The following DGLUCY variants were observed in gnomAD, a reference collection of about 807,000 sequenced individuals.
DGLUCY encodes the protein D-glutamate cyclase, mitochondrial.
In DGLUCY, 58 loss-of-function variants were observed where a neutral mutation model predicts 58.5. The observed-to-expected ratio is 0.99, with a 90% CI of 0.80 to 1.23. The LOEUF (loss-of-function observed/expected upper bound fraction) is 1.23. Ranked by LOEUF, DGLUCY falls within the 50% of genes most tolerant of loss-of-function variation. DGLUCY has a pLI of 0.00. For synonymous variants in DGLUCY, 325 were observed against 314.1 expected (o/e 1.03, Z -0.37); for missense variants, 779 against 784.7 (o/e 0.99, Z 0.09).
rs192320094 is a variant in DGLUCY, at chr14:91,079,919, A to T, written c.-82+19215A>T. ...TCACCATCACCCTATCTACACCCAA[A>T]ACATTCTGTCATCCTCCGGACCCAT... On this transcript the variant is annotated intron_variant, in intron 1 of 4. Transcript: ENST00000521334. Among the ~76,000 whole-genome samples, 485 of 152,300 alleles carry T rather than the reference A, an allele frequency of 3.2e-3. 2 individuals are homozygous for T. Among genetic ancestry groups the T allele is most frequent in the African/African-American group, 0.011 (472 of 41,560 alleles).
At chr14:91,069,608 C>T (rs2043881756) in intron 1 of DGLUCY, among the ~76,000 whole-genome samples, 1 of 151,780 alleles carries the variant, frequency 6.6e-6, no homozygotes, top group East Asian at 1.9e-4. Flanking sequence ...TATTTACTTT[C>T]TATTTATGGC....
intron 11 of DGLUCY, among the ~76,000 whole-genome samples, chr14:91,200,271 G>GA: frequency 1.3e-5 from 2 of 152,204 alleles, no homozygotes; most frequent in Non-Finnish European, 2.9e-5. Flanking sequence ...TGTTTTTATT[G>GA]ACTATTGAAC....
chr14:91,087,010 G>A (rs765967476), intron 1 of DGLUCY, among the ~76,000 whole-genome samples: 8 of 152,166 alleles, frequency 5.3e-5, no homozygotes, highest in Admixed American at 1.3e-4. Context: ...AGGACTGACC[G>A]CAGGGTCCAA....
chr14:91,111,524 AC>A (rs1324427135), upstream of DGLUCY, among the ~76,000 whole-genome samples: 1 of 152,014 alleles, frequency 6.6e-6, no homozygotes, highest in East Asian at 1.9e-4. Flanking sequence ...CTTGTGATCC[AC>A]CCACCTTGGC....
rs554862845 is a variant in DGLUCY, at chr14:91,085,891, G to A, written c.-82+25187G>A. On this transcript the variant is annotated intron_variant, in intron 1 of 4. Transcript: ENST00000521334. ...GCCCTGCTCAAGTCCCTTATAACAG[G>A]GGTTCCCAACCCCCAGGCCATGTAC... 2.3e-4 allele frequency among the ~76,000 whole-genome samples: 35 copies of A among 152,132 alleles called. No homozygotes were observed. In the South Asian group the frequency reaches 5.2e-3, roughly 23 times the overall value.
chr14:91,085,860 T>TGTATAAGG, intron 1 of DGLUCY, among the ~76,000 whole-genome samples: 1 of 152,300 alleles, frequency 6.6e-6, no homozygotes, highest in Admixed American at 6.5e-5. Context: ...TGAGCCACCA[T>TGTATAAGG]GCCTGGCCCT....
intron 1 of DGLUCY, among the ~76,000 whole-genome samples, chr14:91,134,279 G>A (rs190996724): frequency 5.3e-5 from 8 of 152,186 alleles, no homozygotes; most frequent in Admixed American, 3.3e-4. Context: ...TCTTTCTGTC[G>A]TGAACATGCT....
intron 13 of DGLUCY, chr14:91,216,018 A>G: frequency 3.3e-6 from 1 of 301,144 alleles, no homozygotes; most frequent in South Asian, 3.0e-5. Context: ...GCTAAGGGGG[A>G]CAGACAAGGT....
chr14:91,157,311 GTGGATGGA>G (rs1251135024), intron 1 of DGLUCY, among the ~76,000 whole-genome samples: 1 of 150,010 alleles, frequency 6.7e-6, no homozygotes, highest in Non-Finnish European at 1.5e-5. Context: ...GGATGAATGG[GTGGATGGA>G]TGGATGGATG....
chr14:91,160,637 C>G (rs1275014636), intron 3 of DGLUCY, among the ~76,000 whole-genome samples: 1 of 152,062 alleles, frequency 6.6e-6, no homozygotes, highest in Non-Finnish European at 1.5e-5. Flanking sequence ...CCCAGTTCTG[C>G]TTGGTCACCT....
chr14:91,213,155 C>T (rs1426791078), intron 12 of DGLUCY, among the ~76,000 whole-genome samples: 1 of 151,930 alleles, frequency 6.6e-6, no homozygotes. Flanking sequence ...ATGAAAAAAG[C>T]CAGGCACGGT....
At chr14:91,139,068 G>T (rs537181557) in intron 1 of DGLUCY, among the ~76,000 whole-genome samples, 6 of 152,288 alleles carry the variant, frequency 3.9e-5, no homozygotes, top group African/African-American at 1.4e-4. Flanking sequence ...TTAGTATAAA[G>T]AATTGGCTCA....
chr14:91,180,781 A>T (rs1328907401), intron 7 of DGLUCY, among the ~76,000 whole-genome samples: 1 of 152,226 alleles, frequency 6.6e-6, no homozygotes, highest in Non-Finnish European at 1.5e-5. Flanking sequence ...CCATAAGGAA[A>T]AATAGAAATG....
intron 13 of DGLUCY, among the ~76,000 whole-genome samples, chr14:91,219,270 G>A: frequency 6.6e-6 from 1 of 152,188 alleles, no homozygotes; most frequent in East Asian, 1.9e-4. Context: ...AGGCTGCCTG[G>A]AGGAGGTGGC....
chr14:91,175,125 C>G (rs562902823), intron 6 of DGLUCY, among the ~76,000 whole-genome samples: 1 of 152,254 alleles, frequency 6.6e-6, no homozygotes, highest in South Asian at 2.1e-4. Flanking sequence ...CTCGAAGCAA[C>G]GTCTAATCTG....
chr14:91,117,415 G>T (rs2045040945), intron 1 of DGLUCY, among the ~76,000 whole-genome samples: 1 of 152,086 alleles, frequency 6.6e-6, no homozygotes, highest in African/African-American at 2.4e-5. Flanking sequence ...CCCAGCCCCT[G>T]TTCGAGATGG....
rs773493613 is a variant in DGLUCY, at chr14:91,199,844, G to C, written c.1383G>C (p.Leu461Phe). The C allele has an allele frequency of 6.2e-7, 1 of 1,614,128 alleles. No homozygotes were observed. The highest frequency in any genetic ancestry group is 1.1e-5 in the South Asian group (1 of 91,082). The stretch of plus-strand genomic sequence containing the variant: ...CAAGGAAGATGAACATCAAGCACTT[G>C]GTTGACCCCATTGACGATCTTTTTC... ...YNARKMNIKH[L>F]VDPIDDLFLA... Residue 461 changes from leucine (L) to phenylalanine (F), a missense_variant, in exon 11 of 14, where the codon TTG becomes TTC. By Grantham distance (22) the Leu-to-Phe change is conservative. Transcript: ENST00000256324.
At chr14:91,173,266 GA>G (rs1566982539) in intron 5 of DGLUCY, 22 bp from the exon 6 acceptor site, 14 of 1,559,304 alleles carry the variant, frequency 9.0e-6, no homozygotes, top group Middle Eastern at 1.7e-4. Context: ...ATTTTCACTT[GA>G]TTTTTTTTTT....
intron 1 of DGLUCY, among the ~76,000 whole-genome samples, chr14:91,117,586 G>T (rs991303727): frequency 2.0e-4 from 31 of 151,766 alleles, no homozygotes; most frequent in Admixed American, 2.0e-3. Flanking sequence ...TGGATTAAAT[G>T]ACATAGTACA....
Sources: allele counts gnomAD v4.1 joint callset (sites outside exome capture counted in the v4.1 genomes callset), GRCh38; gene constraint gnomAD v4.1.1; transcripts MANE v1.5; gene names NCBI Gene and HGNC (gene_info 2026-07-23, HGNC 2026-07-21).